The following CTC1 variants were observed in gnomAD, a reference collection of about 807,000 sequenced individuals.
CTC1 encodes the protein CST telomere replication complex component 1.
Under a neutral mutation model 136.3 loss-of-function variants are expected in CTC1, and 91 were observed. The ratio of observed to expected loss-of-function variants is 0.67; its 90% CI spans 0.56 to 0.79. The LOEUF (loss-of-function observed/expected upper bound fraction) is 0.79, where lower values mean the gene tolerates loss of function less well. Ranked by LOEUF, CTC1 falls within the 30% of genes least tolerant of loss-of-function variation. The pLI, the probability that CTC1 is intolerant of heterozygous loss-of-function variation, is 0.00. For missense variants in CTC1, 1,432 were observed against 1,498.1 expected (o/e 0.96, Z 0.73); for synonymous variants, 606 against 613.8 (o/e 0.99, Z 0.19).
chr17:8,242,531 G>GAAAAA (rs1988319026), intron 2 of CTC1, among the ~76,000 whole-genome samples: 1 of 79,710 alleles, frequency 1.3e-5, no homozygotes, highest in African/African-American at 5.4e-5. Flanking sequence ...ATAGTGTAGA[G>GAAAAA]AGAAAAAAAA....
At chr17:8,237,772 C>G (rs1354892491) in intron 4 of CTC1, among the ~76,000 whole-genome samples, 1 of 145,732 alleles carries the variant, frequency 6.9e-6, no homozygotes, top group African/African-American at 2.5e-5. Context: ...TAAAGAATAA[C>G]CTGGTAATGA....
At chr17:8,234,338 T>G (rs2151516375) in intron 10 of CTC1, 117 bp downstream of exon 10, 1 of 994,530 alleles carries the variant, frequency 1.0e-6, no homozygotes, top group East Asian at 2.6e-5. Flanking sequence ...TGAAGTGGTC[T>G]GCTTAGAAGG....
At chr17:8,228,927 G>T in intron 20 of CTC1, 35 bp from the exon 21 acceptor site, 1 of 1,582,734 alleles carries the variant, frequency 6.3e-7, no homozygotes, top group Non-Finnish European at 8.6e-7. Flanking sequence ...AACGCCTATA[G>T]CAACCCAGGT....
chr17:8,230,244 G>A (rs1315490410), intron 17 of CTC1, 50 bp downstream of exon 17: 10 of 1,552,184 alleles, frequency 6.4e-6, no homozygotes, highest in African/African-American at 1.4e-5. Context: ...GCACATTCCA[G>A]AGAGCCACAT....
chr17:8,229,008 T>C, intron 20 of CTC1, 116 bp from the exon 21 acceptor site: 4 of 1,471,586 alleles, frequency 2.7e-6, no homozygotes, highest in East Asian at 4.5e-5. Context: ...ATTTAGGAGC[T>C]TACCCTCATT....
intron 1 of CTC1, among the ~76,000 whole-genome samples, chr17:8,244,703 T>C (rs1988536747): frequency 6.6e-6 from 1 of 152,092 alleles, no homozygotes; most frequent in African/African-American, 2.4e-5. Context: ...TTTTTTATAT[T>C]TTTAGTAGAG....
At chr17:8,243,809 C>T (rs543798944) in intron 1 of CTC1, among the ~76,000 whole-genome samples, 39 of 152,306 alleles carry the variant, frequency 2.6e-4, no homozygotes, top group African/African-American at 8.4e-4. Context: ...CAGTGGCTCA[C>T]GCTTGTAATC....
intron 2 of CTC1, among the ~76,000 whole-genome samples, chr17:8,242,551 AAAATAT>A (rs1398130960): frequency 0.029 from 1,321 of 44,918 alleles, 5 homozygotes; most frequent in African/African-American, 0.038. Flanking sequence ...AAAAAAAAAA[AAAATAT>A]ATATATATAT....
intron 2 of CTC1, 77 bp downstream of exon 2, chr17:8,242,908 A>T: frequency 1.5e-6 from 2 of 1,373,430 alleles, no homozygotes; most frequent in Admixed American, 4.9e-5. Flanking sequence ...CCTTTTTCTA[A>T]TTATAGAACC....
chr17:8,235,324 GA>G (rs747370792), intron 7 of CTC1, 39 bp from the exon 8 acceptor site: 1 of 1,496,874 alleles, frequency 6.7e-7, no homozygotes, highest in Non-Finnish European at 9.3e-7. Context: ...CAGAGATGAA[GA>G]CCCCAACTCA....
intron 10 of CTC1, 175 bp from the exon 11 acceptor site, chr17:8,233,207 G>A (rs541582266): frequency 1.6e-4 from 101 of 637,354 alleles, no homozygotes; most frequent in Admixed American, 4.3e-4. Context: ...AAACACACAC[G>A]CATTCACACA....
In CTC1 at chr17:8,228,229, C is replaced by T. The variant is rs778830884; in HGVS notation, c.3605G>A (p.Arg1202Gln). 96 of 1,613,900 alleles carry T rather than the reference C, an allele frequency of 5.9e-5. No homozygotes were observed. Among genetic ancestry groups the T allele is most frequent in the Admixed American group, 2.0e-4 (12 of 59,978 alleles). The change falls in exon 23 of 23, where the codon CGA (arginine) becomes CAA (glutamine). Residue 1202 changes from arginine (R) to glutamine (Q), a missense_variant. Coordinates refer to ENST00000651323, the MANE Select transcript of CTC1 (RefSeq NM_025099.6). ...CAGAGAGCTGGAGTACTCTGACTCT[C>T]GGATAGAAAGGCAGGACAATCGGAG... ...PRLRLSCLSI[R>Q]ESEYSSSLGI...
intron 14 of CTC1, 50 bp from the exon 15 acceptor site, chr17:8,231,519 G>T: frequency 1.3e-6 from 2 of 1,519,058 alleles, no homozygotes; most frequent in South Asian, 1.2e-5. Flanking sequence ...CTAGTCCAGT[G>T]GGAGGTTCAC....
chr17:8,238,414 T>C lies in CTC1; in HGVS notation c.413A>G (p.Asn138Ser), dbSNP rs1039229698. The change falls in exon 3 of 23, where the codon AAC becomes AGC. Residue 138 changes from asparagine (N) to serine (S), a missense_variant. Coordinates refer to ENST00000651323, the MANE Select transcript of CTC1 (RefSeq NM_025099.6). The stretch of plus-strand genomic sequence containing the variant: ...CACCTCACAGCTCAGGACGCCAGTG[T>C]TATCTCTCACATAGAGGCTTCCGTT... ...CRNGSLYVRD[N>S]TGVLSCELID... The C allele has an allele frequency of 6.2e-6, 10 of 1,614,028 alleles. No individual in the cohort carries two copies. In the African/African-American group the frequency reaches 6.7e-5, roughly 11 times the overall value.
intron 7 of CTC1, 130 bp downstream of exon 7, chr17:8,235,701 A>G: frequency 9.9e-7 from 1 of 1,011,200 alleles, no homozygotes; most frequent in Non-Finnish European, 1.4e-6. Context: ...TATCCTTAGC[A>G]AAAGTGCCCC....
rs202138550 is a variant in CTC1, at chr17:8,229,943, G to A, written c.2959C>T (p.Arg987Trp). 160 of 1,614,082 alleles carry A rather than the reference G, an allele frequency of 9.9e-5. No individual in the cohort carries two copies. Among genetic ancestry groups the A allele is most frequent in the Non-Finnish European group, 1.3e-4 (150 of 1,180,004 alleles). ...AGGACCTGCACATAAGTGGATGACC[G>A]GAAACAACAATAAACATTGTGAGAT... The part of the protein sequence containing the change: ...SRSHNVYCCF[R>W]SSTYVQVLSF... Residue 987 changes from arginine (R) to tryptophan (W), a missense_variant, in exon 18 of 23, where the codon CGG (arginine) becomes TGG (tryptophan). Coordinates refer to ENST00000651323, the MANE Select transcript of CTC1 (RefSeq NM_025099.6).
chr17:8,246,284 T>A (rs1247148596), intron 1 of CTC1, among the ~76,000 whole-genome samples: 1 of 144,748 alleles, frequency 6.9e-6, no homozygotes, highest in African/African-American at 2.6e-5. Context: ...AAGAACACAA[T>A]ATGCTTTCCC....
chr17:8,244,345 T>C (rs536438916), intron 1 of CTC1, among the ~76,000 whole-genome samples: 1 of 152,290 alleles, frequency 6.6e-6, no homozygotes, highest in African/African-American at 2.4e-5. Flanking sequence ...ACACTTGCCA[T>C]GATATGTAGA....
rs752047083 is a variant in CTC1, at chr17:8,238,412, T to C, written c.415A>G (p.Thr139Ala). Reference sequence around the variant, plus strand: ...CTCACCTCACAGCTCAGGACGCCAGTGTTATCTCTCACATAGAGGCTTCCG... The same window carrying C: ...CTCACCTCACAGCTCAGGACGCCAGCGTTATCTCTCACATAGAGGCTTCCG... Reference protein sequence around the residue: ...RNGSLYVRDNTGVLSCELIDL... With the variant: ...RNGSLYVRDNAGVLSCELIDL... The change falls in exon 3 of 23, where the codon ACT (threonine) becomes GCT (alanine). Residue 139 changes from threonine to alanine, a missense_variant. By Grantham distance (58) the Thr-to-Ala change is moderately conservative. Coordinates refer to ENST00000651323, the MANE Select transcript of CTC1 (RefSeq NM_025099.6). 1.9e-6 allele frequency: 3 copies of C among 1,614,090 alleles called. No individual in the cohort carries two copies. Among genetic ancestry groups the C allele is most frequent in the Non-Finnish European group, 2.5e-6 (3 of 1,179,962 alleles).
Sources: allele counts gnomAD v4.1 joint callset (sites outside exome capture counted in the v4.1 genomes callset), GRCh38; gene constraint gnomAD v4.1.1; transcripts MANE v1.5; gene names NCBI Gene and HGNC (gene_info 2026-07-23, HGNC 2026-07-21).